The following B3GALT1 variants were observed in gnomAD, a reference collection of about 807,000 sequenced individuals.
B3GALT1 encodes the protein beta-1,3-galactosyltransferase 1.
A neutral mutation model predicts 23.2 loss-of-function variants in B3GALT1; 10 were observed. The ratio of observed to expected loss-of-function variants is 0.43; its 90% CI spans 0.27 to 0.73. B3GALT1 has a LOEUF of 0.73. Ranked by LOEUF, B3GALT1 falls within the 30% of genes least tolerant of loss-of-function variation. B3GALT1 has a pLI of 0.21. For synonymous variants in B3GALT1, 156 were observed against 141.5 expected (o/e 1.10, Z -0.73); for missense variants, 299 against 405.4 (o/e 0.74, Z 2.25).
chr2:167,423,804 C>G lies in B3GALT1; in HGVS notation c.-510-66373C>G, dbSNP rs117863427. On this transcript the variant is annotated intron_variant, in intron 1 of 4. Transcript: ENST00000392690. The stretch of plus-strand genomic sequence containing the variant: ...ACATTTTCATATTGGCAATGAAAAC[C>G]TCTAGAATATAATTCCCCCCACTTC... 1.1e-3 allele frequency among the ~76,000 whole-genome samples: 174 copies of G among 152,158 alleles called. 1 individual carries two copies. In the East Asian group the frequency reaches 0.018, roughly 16 times the overall value.
intron 1 of B3GALT1, among the ~76,000 whole-genome samples, chr2:167,376,744 A>G (rs57967027): frequency 0.017 from 2,616 of 152,054 alleles, 79 homozygotes; most frequent in African/African-American, 0.06. Flanking sequence ...TTACTTTGTT[A>G]ACCTAGCTAG....
chr2:167,493,981 G>A (rs537745660), intron 2 of B3GALT1, among the ~76,000 whole-genome samples: 14 of 152,226 alleles, frequency 9.2e-5, no homozygotes, highest in African/African-American at 3.4e-4. Context: ...TATCCCTTCA[G>A]TGTGGTTTAT....
intron 2 of B3GALT1, among the ~76,000 whole-genome samples, chr2:167,645,129 C>T (rs1389127083): frequency 7.2e-5 from 11 of 152,086 alleles, no homozygotes; most frequent in East Asian, 5.8e-4. Flanking sequence ...ATAGTGAGGC[C>T]GGCAAGAGTA....
At chr2:167,807,498 G>C (rs1447844828) in intron 3 of B3GALT1, among the ~76,000 whole-genome samples, 1 of 152,008 alleles carries the variant, frequency 6.6e-6, no homozygotes, top group Non-Finnish European at 1.5e-5. Context: ...GTGTCCCAGA[G>C]ATTCTGGTAT....
In B3GALT1 at chr2:167,313,310, A is replaced by C. The variant is rs576868674; in HGVS notation, c.-511+19976A>C. ...GGCATATTTTGAGATCCACATCCCAATCCCTAAGCTATCATTGAGTAAATA... is the reference window on the plus strand; with the variant it reads ...GGCATATTTTGAGATCCACATCCCACTCCCTAAGCTATCATTGAGTAAATA... On this transcript the variant is annotated intron_variant, in intron 1 of 4. Transcript: ENST00000392690. Among the ~76,000 whole-genome samples, 3 of 152,232 alleles carry C rather than the reference A, an allele frequency of 2.0e-5. No homozygotes were observed. The East Asian group carries it at 5.8e-4, about 29-fold the overall frequency.
At chr2:167,682,958 C>G (rs1057063516) in intron 3 of B3GALT1, among the ~76,000 whole-genome samples, 1 of 152,182 alleles carries the variant, frequency 6.6e-6, no homozygotes, top group Non-Finnish European at 1.5e-5. Flanking sequence ...TGAAAGAAAT[C>G]ATACAGAGCG....
At chr2:167,389,914 AAAAAAAAAAAC>A (rs1697990978) in intron 1 of B3GALT1, among the ~76,000 whole-genome samples, 1 of 137,742 alleles carries the variant, frequency 7.3e-6, no homozygotes, top group Admixed American at 7.1e-5. Flanking sequence ...CTGTCCAAAA[AAAAAAAAAAAC>A]AAAAAAAAAA....
chr2:167,653,196 G>A (rs778215487), intron 3 of B3GALT1, among the ~76,000 whole-genome samples: 2 of 152,162 alleles, frequency 1.3e-5, no homozygotes, highest in Non-Finnish European at 2.9e-5. Context: ...AATTTGTGTG[G>A]CAGTTGTTGA....
intron 2 of B3GALT1, among the ~76,000 whole-genome samples, chr2:167,634,785 TG>T (rs1200146067): frequency 6.6e-6 from 1 of 152,136 alleles, no homozygotes; most frequent in African/African-American, 2.4e-5. Flanking sequence ...AAAGAGGAGC[TG>T]GTACCATTCC....
intron 1 of B3GALT1, among the ~76,000 whole-genome samples, chr2:167,395,489 A>G (rs1413389125): frequency 6.6e-6 from 1 of 152,168 alleles, no homozygotes; most frequent in Non-Finnish European, 1.5e-5. Context: ...GGAAAAGGCA[A>G]GGAAACTGAA....
At chr2:167,716,246 C>A (rs1687145963) in intron 3 of B3GALT1, among the ~76,000 whole-genome samples, 1 of 152,210 alleles carries the variant, frequency 6.6e-6, no homozygotes, top group Admixed American at 6.5e-5. Context: ...CTCACAGGCC[C>A]GTGCTGCCCC....
At chr2:167,605,294 A>G (rs1684944237) in intron 2 of B3GALT1, among the ~76,000 whole-genome samples, 1 of 152,240 alleles carries the variant, frequency 6.6e-6, no homozygotes, top group Non-Finnish European at 1.5e-5. Context: ...AGTGGCTTCA[A>G]AAAACAAAAC....
intron 1 of B3GALT1, among the ~76,000 whole-genome samples, chr2:167,426,093 G>A (rs1223417145): frequency 1.3e-5 from 2 of 152,032 alleles, no homozygotes; most frequent in Non-Finnish European, 2.9e-5. Flanking sequence ...TAAACCAATA[G>A]AATAGGAGGA....
At chr2:167,837,123 G>C (rs1045844126) in intron 4 of B3GALT1, among the ~76,000 whole-genome samples, 33 of 151,852 alleles carry the variant, frequency 2.2e-4, no homozygotes, top group Admixed American at 3.9e-4. Flanking sequence ...CATCAACTAA[G>C]GAGCAAAATA....
chr2:167,300,840 A>G, intron 1 of B3GALT1, among the ~76,000 whole-genome samples: 1 of 152,324 alleles, frequency 6.6e-6, no homozygotes, highest in East Asian at 1.9e-4. Flanking sequence ...ATAATGGGGA[A>G]AAGATTTTAC....
At chr2:167,651,984 A>G (rs1192220001) in intron 3 of B3GALT1, among the ~76,000 whole-genome samples, 1 of 152,014 alleles carries the variant, frequency 6.6e-6, no homozygotes, top group Non-Finnish European at 1.5e-5. Flanking sequence ...CACACCATTG[A>G]TCAAGCAGAG....
chr2:167,348,839 A>G (rs1187995559), intron 1 of B3GALT1, among the ~76,000 whole-genome samples: 1 of 152,178 alleles, frequency 6.6e-6, no homozygotes, highest in African/African-American at 2.4e-5. Context: ...TATAAGATCT[A>G]TCTTTCACAT....
intron 2 of B3GALT1, among the ~76,000 whole-genome samples, chr2:167,494,365 T>C (rs1402373936): frequency 6.6e-6 from 1 of 151,916 alleles, no homozygotes; most frequent in Non-Finnish European, 1.5e-5. Context: ...GTTATGATAT[T>C]TATATTTTAG....
chr2:167,449,528 TATC>T (rs2105319132), intron 1 of B3GALT1, among the ~76,000 whole-genome samples: 1 of 152,336 alleles, frequency 6.6e-6, no homozygotes, highest in East Asian at 1.9e-4. Context: ...TATATGATCA[TATC>T]ATCAGCAAAC....
Sources: allele counts gnomAD v4.1 joint callset (sites outside exome capture counted in the v4.1 genomes callset), GRCh38; gene constraint gnomAD v4.1.1; transcripts MANE v1.5; gene names NCBI Gene and HGNC (gene_info 2026-07-23, HGNC 2026-07-21).